The following PTPRM variants were observed in gnomAD, a reference collection of about 807,000 sequenced individuals.
PTPRM encodes the protein receptor-type tyrosine-protein phosphatase mu.
A neutral mutation model predicts 186.7 loss-of-function variants in PTPRM; 47 were observed. That is an observed-to-expected ratio of 0.25 (90% CI 0.20 to 0.32). PTPRM has a LOEUF of 0.32. Ranked by LOEUF, PTPRM falls within the 10% of genes least tolerant of loss-of-function variation. The pLI is 1.00. For synonymous variants in PTPRM, 668 were observed against 674.9 expected, an observed-to-expected ratio of 0.99 and a Z score of 0.16; for missense variants, 1,494 against 1,865.0, an observed-to-expected ratio of 0.80 and a Z score of 3.66.
intron 9 of PTPRM, among the ~76,000 whole-genome samples, chr18:8,081,158 A>T (rs76828253): frequency 6.6e-6 from 1 of 152,146 alleles, no homozygotes; most frequent in Non-Finnish European, 1.5e-5. Context: ...ATGTTATTCT[A>T]TCTTGGTTTC....
Position 8,394,622 on chromosome 18 carries a change from C to T in PTPRM, c.4344+11C>T. The T allele has an allele frequency of 6.2e-7, 1 of 1,601,210 alleles. No individual in the cohort carries two copies. Among genetic ancestry groups the T allele is most frequent in the Non-Finnish European group, 8.5e-7 (1 of 1,172,888 alleles). On this transcript the variant is annotated intron_variant, in intron 32 of 32. Coordinates refer to ENST00000580170, the MANE Select transcript of PTPRM (RefSeq NM_001105244.2). ...ATGGTCGACCTCCTGGTAGGACACC[C>T]CCTCTGAGCTGTTCCATGAGACACC...
At chr18:7,620,369 A>G (rs190414741) in intron 1 of PTPRM, among the ~76,000 whole-genome samples, 129 of 152,154 alleles carry the variant, frequency 8.5e-4, no homozygotes, top group African/African-American at 3.0e-3. Flanking sequence ...CTAACCAAAC[A>G]TGGAAAGCAG....
chr18:7,652,918 T>C (rs574138745), intron 1 of PTPRM, among the ~76,000 whole-genome samples: 6 of 151,906 alleles, frequency 3.9e-5, no homozygotes, highest in African/African-American at 7.3e-5. Flanking sequence ...CTACTACTAC[T>C]AATAAAAAAG....
chr18:7,838,694 T>A (rs1174031161), intron 2 of PTPRM, among the ~76,000 whole-genome samples: 1 of 152,240 alleles, frequency 6.6e-6, no homozygotes, highest in Non-Finnish European at 1.5e-5. Context: ...ACTCAAGGCC[T>A]TGGGGCTCTA....
chr18:8,332,131 C>A (rs1598334395), intron 22 of PTPRM, among the ~76,000 whole-genome samples: 1 of 152,128 alleles, frequency 6.6e-6, no homozygotes, highest in Non-Finnish European at 1.5e-5. Flanking sequence ...TTAAATTTAT[C>A]TTTATTATAA....
At position 8,157,708 on chromosome 18, in the gene PTPRM, T is replaced by G. The variant is rs145090715; in HGVS notation, c.2300+13929T>G. Among the ~76,000 whole-genome samples the G allele has an allele frequency of 3.4e-3, 516 of 152,316 alleles. 2 individuals carry two copies. Among genetic ancestry groups the G allele is most frequent in the Non-Finnish European group, 4.9e-3 (331 of 68,028 alleles). ...TATAGGAAAAATTGTTCTCTGCAGA[T>G]AAGTAAACCAAAGGTCCTGGGGCAT... On this transcript the variant is annotated intron_variant, in intron 14 of 32. Transcript: ENST00000580170.
At chr18:8,388,778 G>A (rs1212197195) in intron 31 of PTPRM, among the ~76,000 whole-genome samples, 2 of 152,098 alleles carry the variant, frequency 1.3e-5, no homozygotes, top group African/African-American at 4.8e-5. Context: ...TGGCTAACAC[G>A]TTGAAACCCC....
intron 7 of PTPRM, among the ~76,000 whole-genome samples, chr18:8,008,346 T>C (rs1005678482): frequency 1.3e-5 from 2 of 152,140 alleles, no homozygotes; most frequent in African/African-American, 2.4e-5. Context: ...ATAGGAAAAT[T>C]AAAGGCTGAC....
intron 22 of PTPRM, among the ~76,000 whole-genome samples, chr18:8,331,823 G>A (rs551297833): frequency 0.011 from 1,662 of 152,298 alleles, 26 homozygotes; most frequent in African/African-American, 0.038. Context: ...AAAGACAACA[G>A]CTGCATCCTA....
chr18:8,319,066 G>C, intron 21 of PTPRM, 112 bp from the exon 22 acceptor site: 1 of 708,628 alleles, frequency 1.4e-6, no homozygotes, highest in Non-Finnish European at 2.4e-6. Context: ...ACTTTCAGGT[G>C]ATGCAGCTAT....
At chr18:8,072,983 A>T (rs1400679125) in intron 8 of PTPRM, among the ~76,000 whole-genome samples, 1 of 147,678 alleles carries the variant, frequency 6.8e-6, no homozygotes, top group East Asian at 2.0e-4. Flanking sequence ...GTTTCCTGTC[A>T]ACTATTCTAC....
At chr18:7,770,321 A>G (rs1005148083) in intron 1 of PTPRM, among the ~76,000 whole-genome samples, 1 of 152,162 alleles carries the variant, frequency 6.6e-6, no homozygotes, top group Non-Finnish European at 1.5e-5. Context: ...TCCATGTTTA[A>G]TAGAGGAACC....
chr18:7,685,994 C>T (rs553224562), intron 1 of PTPRM, among the ~76,000 whole-genome samples: 1 of 152,054 alleles, frequency 6.6e-6, no homozygotes, highest in South Asian at 2.1e-4. Flanking sequence ...AGTGGCAGGC[C>T]AGAAAACTGG....
intron 2 of PTPRM, among the ~76,000 whole-genome samples, chr18:7,845,560 A>G (rs1179210672): frequency 1.3e-5 from 2 of 152,244 alleles, no homozygotes; most frequent in African/African-American, 2.4e-5. Context: ...TGAAACCTAA[A>G]TATCCTATAG....
At chr18:7,683,541 C>T (rs2039527750) in intron 1 of PTPRM, among the ~76,000 whole-genome samples, 1 of 152,034 alleles carries the variant, frequency 6.6e-6, no homozygotes, top group Non-Finnish European at 1.5e-5. Context: ...AGTAAAGTAT[C>T]TTATTGGATG....
intron 32 of PTPRM, among the ~76,000 whole-genome samples, chr18:8,401,626 G>A (rs2095872533): frequency 6.6e-6 from 1 of 152,228 alleles, no homozygotes; most frequent in African/African-American, 2.4e-5. Flanking sequence ...GGAGGCCGTT[G>A]ATGTGGTGTT....
chr18:7,752,606 T>A (rs138983713), intron 1 of PTPRM, among the ~76,000 whole-genome samples: 2,376 of 151,972 alleles, frequency 0.016, 60 homozygotes, highest in African/African-American at 0.054. Flanking sequence ...TTAATTTTTT[T>A]ATTTTTTGTA....
At chr18:8,346,594 A>T (rs981334642) in intron 23 of PTPRM, among the ~76,000 whole-genome samples, 2 of 152,172 alleles carry the variant, frequency 1.3e-5, no homozygotes, top group Non-Finnish European at 2.9e-5. Flanking sequence ...TATTCAGTCC[A>T]TAACAGCCTG....
intron 6 of PTPRM, among the ~76,000 whole-genome samples, chr18:7,953,591 GT>G (rs2053116273): frequency 6.6e-6 from 1 of 152,166 alleles, no homozygotes; most frequent in South Asian, 2.1e-4. Context: ...TTTTGACTTA[GT>G]CGAGTGAGAT....
Sources: gnomAD v4.1 joint callset for allele counts (sites outside exome capture counted in the v4.1 genomes callset) on GRCh38, gnomAD v4.1.1 for gene constraint, MANE v1.5 for transcripts, NCBI Gene and HGNC (gene_info 2026-07-23, HGNC 2026-07-21) for gene names.